Variants in STPG2 observed in about 807,000 individuals in gnomAD.
STPG2 encodes sperm-tail PG-rich repeat-containing protein 2.
A neutral mutation model predicts 54.2 loss-of-function variants in STPG2; 56 were observed. The observed-to-expected ratio is 1.03, with a 90% confidence interval of 0.83 to 1.29. The LOEUF (loss-of-function observed/expected upper bound fraction) is 1.29, where lower values mean the gene tolerates loss of function less well. Among genes scored for constraint, STPG2 ranks in the 50% most tolerant of loss-of-function variants. The pLI is 0.00. For missense variants in STPG2, 596 were observed against 544.9 expected (o/e 1.09, Z -0.93); for synonymous variants, 200 against 181.8 (o/e 1.10, Z -0.81).
At chr4:97,664,732 T>C (rs1435053114) in intron 10 of STPG2, among the ~76,000 whole-genome samples, 2 of 152,106 alleles carry the variant, frequency 1.3e-5, no homozygotes, top group African/African-American at 4.8e-5. Flanking sequence ...GATAGTTATG[T>C]CACGGGATCC....
At chr4:98,009,473 T>C (rs1372402574) in intron 5 of STPG2, among the ~76,000 whole-genome samples, 2 of 152,046 alleles carry the variant, frequency 1.3e-5, no homozygotes, top group Non-Finnish European at 2.9e-5. Flanking sequence ...TCTTTAATTT[T>C]TTAAGTCTTG....
Position 97,904,866 on chromosome 4 carries a change from G to A in STPG2, c.1044+39031C>T, listed in dbSNP as rs61534509. On this transcript the variant is annotated intron_variant, in intron 8 of 10. Coordinates refer to ENST00000295268, the MANE Select transcript of STPG2 (RefSeq NM_174952.3). ...GGAAGAAAGGGTATCAGCGATGGAAGATGAAATGAATGAAATGAAGTGAGA... is the reference window on the plus strand; with the variant it reads ...GGAAGAAAGGGTATCAGCGATGGAAAATGAAATGAATGAAATGAAGTGAGA... Among the ~76,000 whole-genome samples, 519 of 152,296 alleles carry A rather than the reference G, an allele frequency of 3.4e-3. 3 individuals carry two copies. Among genetic ancestry groups the A allele is most frequent in the African/African-American group, 0.012 (508 of 41,560 alleles).
At chr4:97,895,176 G>A (rs1052794730) in intron 8 of STPG2, among the ~76,000 whole-genome samples, 3 of 151,728 alleles carry the variant, frequency 2.0e-5, no homozygotes, top group African/African-American at 7.3e-5. Context: ...AATAATAATA[G>A]AAGAAATCTA....
At chr4:97,859,556 C>A (rs1278437995) in intron 8 of STPG2, among the ~76,000 whole-genome samples, 8 of 151,698 alleles carry the variant, frequency 5.3e-5, no homozygotes, top group Non-Finnish European at 1.0e-4. Flanking sequence ...CCTCTGCCTC[C>A]CAGGTTCAAG....
chr4:97,635,783 A>G (rs1721496741), intron 10 of STPG2, among the ~76,000 whole-genome samples: 1 of 152,114 alleles, frequency 6.6e-6, no homozygotes. Context: ...TTCAACAAGA[A>G]GAGCTAACTA....
chr4:97,631,102 C>A (rs1425524590), intron 10 of STPG2, among the ~76,000 whole-genome samples: 3 of 151,788 alleles, frequency 2.0e-5, no homozygotes, highest in Admixed American at 6.6e-5. Context: ...CACTGCTTTC[C>A]TTTTTAAAGA....
intron 10 of STPG2, among the ~76,000 whole-genome samples, chr4:97,669,236 A>G (rs1722624724): frequency 6.6e-6 from 1 of 152,160 alleles, no homozygotes; most frequent in Non-Finnish European, 1.5e-5. Flanking sequence ...ATACTCATGT[A>G]TATTTTGGGA....
At chr4:97,473,727 T>C (rs905409106) in intron 4 of STPG2, among the ~76,000 whole-genome samples, 3 of 152,108 alleles carry the variant, frequency 2.0e-5, no homozygotes, top group Admixed American at 6.6e-5. Context: ...AACTTGCTGG[T>C]TTCACGGCTC....
chr4:97,765,278 C>T (rs1470900944), intron 9 of STPG2, among the ~76,000 whole-genome samples: 2 of 152,116 alleles, frequency 1.3e-5, no homozygotes, highest in African/African-American at 4.8e-5. Context: ...ATCCAGGAAA[C>T]TCCACTTTAA....
At chr4:97,566,035 A>G (rs529193962) in intron 10 of STPG2, among the ~76,000 whole-genome samples, 1 of 152,206 alleles carries the variant, frequency 6.6e-6, no homozygotes, top group Non-Finnish European at 1.5e-5. Flanking sequence ...CCCTGACCCC[A>G]GAGGTGGAGC....
chr4:97,891,966 G>A (rs1000653360), intron 8 of STPG2, among the ~76,000 whole-genome samples: 1 of 152,002 alleles, frequency 6.6e-6, no homozygotes, highest in African/African-American at 2.4e-5. Flanking sequence ...TGTAGTAGAG[G>A]TTTCCTCATC....
At chr4:98,067,429 T>C (rs1307324358) in intron 5 of STPG2, among the ~76,000 whole-genome samples, 1 of 152,190 alleles carries the variant, frequency 6.6e-6, no homozygotes, top group African/African-American at 2.4e-5. Flanking sequence ...CTATTAAAGA[T>C]AAGTATTTAA....
At chr4:98,074,352 A>G (rs1738091597) in intron 5 of STPG2, among the ~76,000 whole-genome samples, 2 of 152,078 alleles carry the variant, frequency 1.3e-5, no homozygotes, top group South Asian at 4.1e-4. Flanking sequence ...CATTTTTAAG[A>G]ATTCCTTTTT....
chr4:98,008,457 A>C (rs1463754046), intron 5 of STPG2, among the ~76,000 whole-genome samples: 1 of 152,128 alleles, frequency 6.6e-6, no homozygotes, highest in Non-Finnish European at 1.5e-5. Flanking sequence ...AGTTCTAAAC[A>C]TGAAAACAAA....
At chr4:97,805,196 T>C (rs898072249) in intron 9 of STPG2, among the ~76,000 whole-genome samples, 4 of 152,126 alleles carry the variant, frequency 2.6e-5, no homozygotes, top group Non-Finnish European at 5.9e-5. Context: ...TAACAAATAC[T>C]CTTCTAATTT....
intron 4 of STPG2, among the ~76,000 whole-genome samples, chr4:97,480,242 A>G (rs1730184274): frequency 6.6e-6 from 1 of 151,804 alleles, no homozygotes; most frequent in African/African-American, 2.4e-5. Context: ...TTCACTCAAT[A>G]TGACTGAGTT....
At chr4:97,685,744 C>T (rs886125814) in intron 10 of STPG2, among the ~76,000 whole-genome samples, 1 of 152,116 alleles carries the variant, frequency 6.6e-6, no homozygotes, top group Non-Finnish European at 1.5e-5. Context: ...TGTAACAAAA[C>T]TATCACACTA....
chr4:97,955,958 C>T (rs550522646), intron 7 of STPG2, among the ~76,000 whole-genome samples: 2 of 152,034 alleles, frequency 1.3e-5, no homozygotes, highest in South Asian at 4.2e-4. Flanking sequence ...CAGACCTGGA[C>T]CAGAAGAAAT....
At chr4:97,762,124 C>T (rs1490056918) in intron 9 of STPG2, among the ~76,000 whole-genome samples, 1 of 152,114 alleles carries the variant, frequency 6.6e-6, no homozygotes. Context: ...AAATTTGTAT[C>T]AGTGAAGCTA....
Sources: gnomAD v4.1 joint callset for allele counts (sites outside exome capture counted in the v4.1 genomes callset) on GRCh38, gnomAD v4.1.1 for gene constraint, MANE v1.5 for transcripts, NCBI Gene and HGNC (gene_info 2026-07-23, HGNC 2026-07-21) for gene names.